The following NTN4 variants were observed in gnomAD, a reference collection of about 807,000 sequenced individuals.
NTN4 encodes the protein netrin-4.
In NTN4, 32 loss-of-function variants were observed where a neutral mutation model predicts 73.6. The ratio of observed to expected loss-of-function variants is 0.44; its 90% CI spans 0.33 to 0.58. The LOEUF (loss-of-function observed/expected upper bound fraction) is 0.58, where lower values mean the gene tolerates loss of function less well. Among genes scored for constraint, NTN4 ranks in the 20% least tolerant of loss-of-function variants. The pLI is 0.04. For synonymous variants in NTN4, 258 were observed against 287.5 expected, an observed-to-expected ratio of 0.90 and a Z score of 1.04; for missense variants, 654 against 798.3, an observed-to-expected ratio of 0.82 and a Z score of 2.18.
In NTN4 at chr12:95,790,363, A is replaced by G. The variant is rs973399162; in HGVS notation, c.-54T>C. 39 of 1,430,642 alleles carry G rather than the reference A, an allele frequency of 2.7e-5. No individual in the cohort carries two copies. Among genetic ancestry groups the G allele is most frequent in the Non-Finnish European group, 3.6e-5 (39 of 1,070,420 alleles). 88.6% of individuals were successfully genotyped at this position (1,430,642 alleles called of 1,614,324 possible). A position where few individuals can be genotyped will look rare whatever the true frequency, so the allele number is the denominator to read the frequency against. On this transcript the variant is annotated 5_prime_UTR_variant, in exon 1 of 10. Coordinates refer to ENST00000343702, the MANE Select transcript of NTN4 (RefSeq NM_021229.4). The surrounding 1 kb of genome is among the most constrained non-coding windows in gnomAD (Gnocchi z 6.5). Reference sequence around the variant, plus strand: ...CGGGCGGGTGCCGGAGGGAGCCGAGACCTCTGGGCTGCGGGATGAAGCGCC... The same window carrying G: ...CGGGCGGGTGCCGGAGGGAGCCGAGGCCTCTGGGCTGCGGGATGAAGCGCC...
Position 95,787,478 on chromosome 12 carries a change from G to A in NTN4, c.56-10C>T. 1 of 1,611,420 alleles carries A rather than the reference G, an allele frequency of 6.2e-7. No homozygotes were observed. Among genetic ancestry groups the A allele is most frequent in the Non-Finnish European group, 8.5e-7 (1 of 1,178,864 alleles). ...GCTACTCCACTCAGTCCTAAGAAAG[G>A]GAAAGCATGCATGATGCAAGACAAA... On this transcript the variant is annotated splice_polypyrimidine_tract_variant and intron_variant, in intron 1 of 9. Transcript: ENST00000343702.
chr12:95,694,611 T>G (rs551900010), intron 5 of NTN4, among the ~76,000 whole-genome samples: 37 of 152,340 alleles, frequency 2.4e-4, no homozygotes, highest in African/African-American at 8.4e-4. Flanking sequence ...TTTTTTCTTT[T>G]TGGCACTGTT....
intron 3 of NTN4, among the ~76,000 whole-genome samples, chr12:95,729,613 A>AAGAGAGAG (rs59395729): frequency 7.2e-6 from 1 of 138,052 alleles, no homozygotes; most frequent in African/African-American, 2.7e-5. Flanking sequence ...AATTATTATA[A>AAGAGAGAG]AGAGAGAGAG....
At position 95,672,497 on chromosome 12, in the gene NTN4, G is replaced by A. The variant is rs1295485938; in HGVS notation, c.1511-2351C>T. On this transcript the variant is annotated intron_variant, in intron 7 of 9. Coordinates refer to ENST00000343702, the MANE Select transcript of NTN4 (RefSeq NM_021229.4). ...ACCTCAGTGCAGAAGAGAGCGACCCGGACCCTCTGGACAGTGCTAGATGCC... is the reference window on the plus strand; with the variant it reads ...ACCTCAGTGCAGAAGAGAGCGACCCAGACCCTCTGGACAGTGCTAGATGCC... 3.9e-6 allele frequency: 6 copies of A among 1,535,734 alleles called. No individual in the cohort carries two copies. In the East Asian group the frequency reaches 1.1e-4, roughly 29 times the overall value.
chr12:95,743,968 CT>C (rs1433597844), intron 2 of NTN4, among the ~76,000 whole-genome samples: 2 of 152,092 alleles, frequency 1.3e-5, no homozygotes, highest in African/African-American at 4.8e-5. Context: ...GTAGCGCGAT[CT>C]TGGCTCACTG....
At position 95,713,278 on chromosome 12, in the gene NTN4, G is replaced by A; in HGVS notation, c.925C>T (p.Pro309Ser). 6.2e-7 allele frequency: 1 copy of A among 1,613,426 alleles called. No individual in the cohort carries two copies. The highest frequency in any genetic ancestry group is 8.5e-7 in the Non-Finnish European group (1 of 1,179,452). Residue 309 changes from proline (P) to serine (S), a missense_variant, in exon 4 of 10, where the codon CCG (proline) becomes TCG (serine). Pro to Ser is a moderately conservative substitution (Grantham distance 74, BLOSUM62 -1). Transcript: ENST00000343702. ...TCCCATGGCCGGTCATTGTATAACG[G>A]GGCACAGTGCTGGCAGTGGCTGCCT... ...TAGSHCQHCAPLYNDRPWEAA... is the reference protein window; with the variant it reads ...TAGSHCQHCASLYNDRPWEAA...
chr12:95,706,147 T>A (rs2078520538), intron 5 of NTN4, among the ~76,000 whole-genome samples: 1 of 152,116 alleles, frequency 6.6e-6, no homozygotes, highest in Admixed American at 6.6e-5. Context: ...TAACAAGAGG[T>A]CACTTTTTTT....
intron 2 of NTN4, among the ~76,000 whole-genome samples, chr12:95,776,470 C>A (rs1441417561): frequency 2.6e-5 from 4 of 152,132 alleles, no homozygotes; most frequent in Non-Finnish European, 4.4e-5. Context: ...CCTTAAATGA[C>A]CTGATGGAGC....
intron 2 of NTN4, among the ~76,000 whole-genome samples, chr12:95,771,615 G>C (rs182226765): frequency 2.8e-4 from 42 of 152,198 alleles, no homozygotes; most frequent in African/African-American, 1.0e-3. Flanking sequence ...ACAATACTGT[G>C]ATAGTCCAGG....
intron 1 of NTN4, among the ~76,000 whole-genome samples, 199 bp from the exon 2 acceptor site, chr12:95,787,667 TGTGTGTGTGC>T (rs1447495271): frequency 7.1e-6 from 1 of 141,718 alleles, no homozygotes; most frequent in Non-Finnish European, 1.6e-5. Flanking sequence ...CGTGTATGCG[TGTGTGTGTGC>T]GTGTGTGTGT....
At chr12:95,784,818 C>T (rs542275033) in intron 2 of NTN4, among the ~76,000 whole-genome samples, 2 of 151,886 alleles carry the variant, frequency 1.3e-5, no homozygotes, top group South Asian at 4.2e-4. Flanking sequence ...CACTTATGAA[C>T]TAGGTTTAGA....
At chr12:95,780,575 GA>G (rs1217634903) in intron 2 of NTN4, among the ~76,000 whole-genome samples, 5 of 152,206 alleles carry the variant, frequency 3.3e-5, no homozygotes, top group Non-Finnish European at 7.3e-5. Flanking sequence ...GGCCATCAGA[GA>G]AATGCAAATC....
chr12:95,704,669 T>C (rs971415594), intron 5 of NTN4, among the ~76,000 whole-genome samples: 9 of 152,154 alleles, frequency 5.9e-5, no homozygotes, highest in Non-Finnish European at 8.8e-5. Context: ...GATGTGCTGA[T>C]AAATGTTGGG....
chr12:95,783,926 T>C (rs1482922120), intron 2 of NTN4, among the ~76,000 whole-genome samples: 1 of 152,196 alleles, frequency 6.6e-6, no homozygotes, highest in Non-Finnish European at 1.5e-5. Flanking sequence ...TGGCTGACTC[T>C]TTAGACATGA....
chr12:95,713,462 G>A (rs898657006), intron 3 of NTN4, 124 bp from the exon 4 acceptor site: 5 of 1,113,592 alleles, frequency 4.5e-6, no homozygotes, highest in African/African-American at 1.6e-5. Context: ...CTTTCCTGAA[G>A]AAGTTAGCCA....
chr12:95,787,235 A>G lies in NTN4; in HGVS notation c.289T>C (p.Ser97Pro). ...LAHLPSAMAD[S>P]SFRFPRTWWQ... ...CATGTGCGAGGAAACCGGAAGGATG[A>G]GTCTGCCATGGCAGATGGCAGGTGA... The change falls in exon 2 of 10, where the codon TCA becomes CCA. Residue 97 changes from serine to proline, a missense_variant. Transcript: ENST00000343702. The G allele has an allele frequency of 6.2e-7, 1 of 1,614,208 alleles. No individual in the cohort carries two copies. The highest frequency in any genetic ancestry group is 1.1e-5 in the South Asian group (1 of 91,086).
intron 2 of NTN4, among the ~76,000 whole-genome samples, chr12:95,744,619 T>C (rs983156571): frequency 3.3e-5 from 5 of 152,326 alleles, no homozygotes; most frequent in Admixed American, 3.3e-4. Flanking sequence ...GTATATGTTA[T>C]AAGCTCCACA....
chr12:95,741,993 T>G (rs1179567918), intron 2 of NTN4, among the ~76,000 whole-genome samples: 2 of 152,166 alleles, frequency 1.3e-5, no homozygotes, highest in Non-Finnish European at 2.9e-5. Context: ...ACCTAACCTT[T>G]GGAATCTTCA....
chr12:95,750,199 GT>G (rs2078895678), intron 2 of NTN4, among the ~76,000 whole-genome samples: 1 of 94,744 alleles, frequency 1.1e-5, no homozygotes, highest in South Asian at 3.1e-4. Context: ...CCTTATTTCT[GT>G]GCCCCATCCC....
Sources: gnomAD v4.1 joint callset for allele counts (sites outside exome capture counted in the v4.1 genomes callset) on GRCh38, gnomAD v4.1.1 for gene constraint, Gnocchi (gnomAD v3.1) non-coding constraint, MANE v1.5 for transcripts, NCBI Gene and HGNC (gene_info 2026-07-23, HGNC 2026-07-21) for gene names.